Variants in DPP6 observed in about 807,000 individuals in gnomAD.
DPP6 encodes the protein dipeptidyl peptidase like 6.
DPP6 carries 69 observed loss-of-function variants against 122.6 expected under a neutral mutation model. That is an observed-to-expected ratio of 0.56 (90% CI 0.46 to 0.69). The LOEUF is 0.69. Among genes scored for constraint, DPP6 ranks in the 30% least tolerant of loss-of-function variants. DPP6 has a pLI of 0.00. For missense variants in DPP6, 928 were observed against 1,116.9 expected, an observed-to-expected ratio of 0.83 and a Z score of 2.41; for synonymous variants, 418 against 433.1, an observed-to-expected ratio of 0.97 and a Z score of 0.43.
chr7:154,393,363 A>T (rs1436552828), intron 1 of DPP6, among the ~76,000 whole-genome samples: 1 of 152,216 alleles, frequency 6.6e-6, no homozygotes, highest in Non-Finnish European at 1.5e-5. Context: ...CCTAGTGCAA[A>T]CTGAGCCTGG....
At chr7:153,782,016 C>T in the DPP6 span, among the ~76,000 whole-genome samples, 1 of 122,338 alleles carries the variant, frequency 8.2e-6, no homozygotes. Context: ...ACACGCCTGA[C>T]ATTTAATATT....
intron 1 of DPP6, among the ~76,000 whole-genome samples, chr7:154,319,500 C>T (rs965416979): frequency 6.6e-6 from 1 of 151,994 alleles, no homozygotes; most frequent in African/African-American, 2.4e-5. Flanking sequence ...TCAAGACCAG[C>T]CTGGCCAACA....
chr7:154,623,604 CACACACGCACGT>C (rs1834852916), intron 5 of DPP6, among the ~76,000 whole-genome samples: 1 of 93,282 alleles, frequency 1.1e-5, no homozygotes, highest in Non-Finnish European at 2.3e-5. Context: ...CACACGCTGA[CACACACGCACGT>C]ACACGCGCAC....
In DPP6 at chr7:154,362,850, G is replaced by A. The variant is rs566271909; in HGVS notation, c.244-83364G>A. 2.6e-5 allele frequency among the ~76,000 whole-genome samples: 4 copies of A among 152,300 alleles called. No homozygotes were observed. The East Asian group carries it at 5.8e-4, about 22-fold the overall frequency. The stretch of plus-strand genomic sequence containing the variant: ...CCTGGGCTGGAGGCCTGGCTGCTCC[G>A]AGTGCAGCCCTGCTCCACTACATCA... On this transcript the variant is annotated intron_variant, in intron 1 of 25. Transcript: ENST00000377770.
intron 1 of DPP6, among the ~76,000 whole-genome samples, chr7:154,249,405 G>A (rs1039711752): frequency 2.0e-5 from 3 of 152,218 alleles, no homozygotes; most frequent in Non-Finnish European, 4.4e-5. Flanking sequence ...TAGCCTGGGA[G>A]ATAATAAAAT....
chr7:153,856,950 A>G, the DPP6 span, among the ~76,000 whole-genome samples: 2 of 152,188 alleles, frequency 1.3e-5, no homozygotes, highest in Admixed American at 6.5e-5. Flanking sequence ...AATGTTTTTC[A>G]CTGAAAATGC....
intron 1 of DPP6, among the ~76,000 whole-genome samples, chr7:154,237,653 T>C (rs991067066): frequency 1.3e-5 from 2 of 152,146 alleles, no homozygotes; most frequent in Non-Finnish European, 2.9e-5. Context: ...CTCCTTCTTC[T>C]TTTTTTCTCT....
chr7:153,763,217 G>A, the DPP6 span, among the ~76,000 whole-genome samples: 2 of 151,976 alleles, frequency 1.3e-5, no homozygotes, highest in South Asian at 2.1e-4. Context: ...GTACCATTAC[G>A]TAAAAGTGAC....
the DPP6 span, among the ~76,000 whole-genome samples, chr7:153,878,735 A>T: frequency 6.6e-5 from 10 of 152,116 alleles, no homozygotes; most frequent in Non-Finnish European, 1.2e-4. Context: ...TAAGTTGTAG[A>T]CTTATGACTT....
At chr7:154,694,652 T>C (rs1196252175) in intron 7 of DPP6, among the ~76,000 whole-genome samples, 1 of 152,116 alleles carries the variant, frequency 6.6e-6, no homozygotes, top group Non-Finnish European at 1.5e-5. Context: ...GGTATGTATG[T>C]ACTAATCTTC....
the DPP6 span, among the ~76,000 whole-genome samples, chr7:153,750,414 T>C: frequency 7.1e-6 from 1 of 140,896 alleles, no homozygotes; most frequent in Non-Finnish European, 1.5e-5. Flanking sequence ...AGTGATAATA[T>C]AGTAGAGACA....
At chr7:154,034,306 A>G (rs577768248) in intron 1 of DPP6, among the ~76,000 whole-genome samples, 13 of 152,250 alleles carry the variant, frequency 8.5e-5, no homozygotes, top group African/African-American at 3.1e-4. Flanking sequence ...AGTTGTTCCA[A>G]TCCTTTGAAT....
chr7:153,834,361 T>C, the DPP6 span, among the ~76,000 whole-genome samples: 1 of 152,118 alleles, frequency 6.6e-6, no homozygotes, highest in Non-Finnish European at 1.5e-5. Context: ...TTAATTTCTT[T>C]CTATGCTAAT....
chr7:154,842,047 T>C (rs1329445572), intron 16 of DPP6, among the ~76,000 whole-genome samples: 1 of 152,218 alleles, frequency 6.6e-6, no homozygotes, highest in African/African-American at 2.4e-5. Context: ...TGTTTATTAG[T>C]ATGATAATAT....
At chr7:154,267,708 C>T (rs966451230) in intron 1 of DPP6, among the ~76,000 whole-genome samples, 8 of 135,422 alleles carry the variant, frequency 5.9e-5, no homozygotes, top group Admixed American at 1.5e-4. Flanking sequence ...CATATACACA[C>T]GTATATGCAC....
chr7:154,303,657 C>A (rs1806061668), intron 1 of DPP6, among the ~76,000 whole-genome samples: 1 of 152,178 alleles, frequency 6.6e-6, no homozygotes, highest in African/African-American at 2.4e-5. Context: ...CCAGTGCAAC[C>A]AAGGCCAAGC....
At chr7:153,794,605 A>G in the DPP6 span, among the ~76,000 whole-genome samples, 1 of 152,102 alleles carries the variant, frequency 6.6e-6, no homozygotes, top group Middle Eastern at 3.2e-3. Context: ...AAATGAATTA[A>G]GACTTTGGGG....
chr7:154,766,084 G>A (rs764743153), intron 8 of DPP6, among the ~76,000 whole-genome samples: 6 of 152,092 alleles, frequency 3.9e-5, no homozygotes, highest in Admixed American at 1.3e-4. Context: ...AGCAACTAAC[G>A]TACAGGAAAA....
intron 16 of DPP6, among the ~76,000 whole-genome samples, chr7:154,834,712 C>T (rs1395422856): frequency 1.3e-5 from 2 of 152,232 alleles, no homozygotes; most frequent in Admixed American, 1.3e-4. Context: ...TCTTCCGCTG[C>T]TGTGGGATCG....
Sources: gnomAD v4.1 joint callset for allele counts (sites outside exome capture counted in the v4.1 genomes callset) on GRCh38, gnomAD v4.1.1 for gene constraint, MANE v1.5 for transcripts, NCBI Gene and HGNC (gene_info 2026-07-23, HGNC 2026-07-21) for gene names.